Variants in SYNPR observed in about 807,000 individuals in gnomAD.
SYNPR encodes synaptoporin.
In SYNPR, 23 loss-of-function variants were observed where a neutral mutation model predicts 32.9. The ratio of observed to expected loss-of-function variants is 0.70; its 90% CI spans 0.50 to 0.99. SYNPR has a LOEUF of 0.99. SYNPR is among the 50% of genes least tolerant of loss of function. SYNPR has a pLI of 0.00. For synonymous variants in SYNPR, 146 were observed against 135.9 expected, an observed-to-expected ratio of 1.07 and a Z score of -0.52; for missense variants, 318 against 349.3, an observed-to-expected ratio of 0.91 and a Z score of 0.71.
chr3:63,270,950 CTTCCTTCCTTCCTTCCTTCTTTT>C (rs2086531145), intron 3 of SYNPR, among the ~76,000 whole-genome samples: 1 of 16,324 alleles, frequency 6.1e-5, no homozygotes, highest in African/African-American at 1.9e-4. Context: ...TCCTTCTTTT[CTTCCTTCCTTCCTTCCTTCTTTT>C]CTTCCTTCCT....
chr3:63,453,876 A>G (rs949054770), intron 2 of SYNPR, among the ~76,000 whole-genome samples: 12 of 152,172 alleles, frequency 7.9e-5, no homozygotes, highest in African/African-American at 2.7e-4. Context: ...AATCACAACT[A>G]TTATTATTGG....
At chr3:63,557,115 T>C (rs1215433348) in intron 4 of SYNPR, among the ~76,000 whole-genome samples, 2 of 152,184 alleles carry the variant, frequency 1.3e-5, no homozygotes, top group Non-Finnish European at 2.9e-5. Flanking sequence ...TTCATCTCTG[T>C]ATATCTATCT....
intron 2 of SYNPR, among the ~76,000 whole-genome samples, chr3:63,406,776 G>C (rs2088366231): frequency 6.6e-6 from 1 of 152,136 alleles, no homozygotes; most frequent in Non-Finnish European, 1.5e-5. Context: ...TTGTTGCCTA[G>C]TTCCTTGATG....
At chr3:63,576,958 A>AT (rs35020434) in intron 4 of SYNPR, among the ~76,000 whole-genome samples, 33 of 151,340 alleles carry the variant, frequency 2.2e-4, no homozygotes, top group East Asian at 1.4e-3. Flanking sequence ...TACAGGATAC[A>AT]TTTTTTTTTA....
chr3:63,313,279 T>G (rs2086988490), intron 2 of SYNPR, among the ~76,000 whole-genome samples: 2 of 151,884 alleles, frequency 1.3e-5, no homozygotes, highest in South Asian at 4.2e-4. Context: ...GAGTAAGTTC[T>G]GTAGTGGTGA....
At chr3:63,465,477 G>T (rs757743202) in intron 2 of SYNPR, among the ~76,000 whole-genome samples, 49 of 151,944 alleles carry the variant, frequency 3.2e-4, no homozygotes, top group Non-Finnish European at 5.7e-4. Flanking sequence ...ATTGGATTTT[G>T]TCTATACATA....
chr3:63,404,215 C>T lies in SYNPR; in HGVS notation c.85-76617C>T, dbSNP rs74890572. On this transcript the variant is annotated intron_variant, in intron 2 of 5. Coordinates refer to ENST00000478300, the MANE Select transcript of SYNPR (RefSeq NM_001130003.2). The stretch of plus-strand genomic sequence containing the variant: ...ATGTCAACAATAATTATGGTGATTA[C>T]GTTTTTTGAATAGCTATTGGGAATA... Among the ~76,000 whole-genome samples the T allele has an allele frequency of 5.9e-3, 905 of 152,130 alleles. 16 individuals are homozygous for T. Among genetic ancestry groups the T allele is most frequent in the East Asian group, 0.044 (225 of 5,172 alleles).
intron 2 of SYNPR, among the ~76,000 whole-genome samples, chr3:63,285,350 T>C (rs2086670046): frequency 6.9e-6 from 1 of 144,152 alleles, no homozygotes; most frequent in Admixed American, 7.0e-5. Flanking sequence ...TAATTTAATC[T>C]CATTTTTTAT....
intron 2 of SYNPR, among the ~76,000 whole-genome samples, chr3:63,393,081 A>G (rs1479083462): frequency 2.0e-5 from 3 of 152,206 alleles, no homozygotes; most frequent in African/African-American, 4.8e-5. Context: ...GGACTCAACA[A>G]TAAGTCACTG....
intron 3 of SYNPR, among the ~76,000 whole-genome samples, chr3:63,507,295 T>C (rs1467082903): frequency 6.6e-6 from 1 of 152,054 alleles, no homozygotes; most frequent in African/African-American, 2.4e-5. Context: ...AAAAATAATA[T>C]GTAATTGGTA....
At chr3:63,537,833 A>G (rs1702236575) in intron 3 of SYNPR, among the ~76,000 whole-genome samples, 1 of 152,142 alleles carries the variant, frequency 6.6e-6, no homozygotes, top group African/African-American at 2.4e-5. Flanking sequence ...GGGTAAGCTG[A>G]GCTTCCTAAG....
chr3:63,226,290 T>C (rs1042507405), upstream of SYNPR, among the ~76,000 whole-genome samples: 1 of 152,178 alleles, frequency 6.6e-6, no homozygotes, highest in Non-Finnish European at 1.5e-5. Context: ...AAAAACAGTA[T>C]AGTGATTTAT....
chr3:63,250,602 CA>C (rs1238924046), intron 1 of SYNPR, among the ~76,000 whole-genome samples: 2 of 152,100 alleles, frequency 1.3e-5, no homozygotes, highest in Non-Finnish European at 2.9e-5. Context: ...AAGTGGAATC[CA>C]AATTTTGGTG....
intron 2 of SYNPR, among the ~76,000 whole-genome samples, chr3:63,424,471 G>A (rs1047313102): frequency 1.1e-4 from 16 of 152,170 alleles, no homozygotes; most frequent in Admixed American, 1.0e-3. Context: ...CTTGGAGAAT[G>A]ATTGAGACAT....
chr3:63,278,538 A>G lies in SYNPR; in HGVS notation c.5A>G (p.Asp2Gly), dbSNP rs1385996410. The change falls in exon 1 of 6, where the codon GAC becomes GGC. Residue 2 changes from aspartate to glycine, a missense_variant. Transcript: ENST00000478300. MDPVSQLASAGT... is the reference protein window; with the variant it reads MGPVSQLASAGT... ...AAGAGCGAGCGAGGGCGAGCTATGG[A>G]CCCTGTGAGTCAGGTGAGACAGAAC... 1 of 1,550,608 alleles carries G rather than the reference A, an allele frequency of 6.4e-7. No homozygotes were observed. The highest frequency in any genetic ancestry group is 8.7e-7 in the Non-Finnish European group (1 of 1,146,292).
chr3:63,261,532 C>T (rs1484747909), intron 2 of SYNPR, among the ~76,000 whole-genome samples: 19 of 118,236 alleles, frequency 1.6e-4, no homozygotes, highest in South Asian at 8.7e-4. Context: ...CACATGGACA[C>T]AGGAAGGGGA....
At position 63,616,677 on chromosome 3, in the gene SYNPR, C is replaced by T. The variant is rs1364655648; in HGVS notation, c.*1196C>T. 5 of 152,578 alleles carry T rather than the reference C, an allele frequency of 3.3e-5. No homozygotes were observed. The highest frequency in any genetic ancestry group is 2.6e-4 in the Admixed American group (4 of 15,272). 9.5% of individuals were successfully genotyped at this position (152,578 alleles called of 1,614,324 possible). A position where few individuals can be genotyped will look rare whatever the true frequency, so the allele number is the denominator to read the frequency against. ...TATTCATTATCAAGAAAATGTCAAT[C>T]GTCACTTCCTCGTTTTAACTCAGCT... is the stretch of plus-strand genomic sequence containing the variant. On this transcript the variant is annotated 3_prime_UTR_variant, in exon 6 of 6. Transcript: ENST00000478300.
chr3:63,326,915 G>T (rs2087174305), intron 2 of SYNPR, among the ~76,000 whole-genome samples: 2 of 151,676 alleles, frequency 1.3e-5, no homozygotes. Flanking sequence ...AATTTCAATG[G>T]CCATCAGATT....
intron 2 of SYNPR, among the ~76,000 whole-genome samples, chr3:63,399,038 G>A (rs1456386178): frequency 6.6e-6 from 1 of 152,166 alleles, no homozygotes; most frequent in Non-Finnish European, 1.5e-5. Flanking sequence ...CTTAAAAATA[G>A]GCAGAAACTA....
Sources: gnomAD v4.1 joint callset for allele counts (sites outside exome capture counted in the v4.1 genomes callset) on GRCh38, gnomAD v4.1.1 for gene constraint, MANE v1.5 for transcripts, NCBI Gene and HGNC (gene_info 2026-07-23, HGNC 2026-07-21) for gene names.